GRHL2: variants seen among roughly 807,000 people sequenced by gnomAD.
GRHL2 encodes the protein grainyhead like transcription factor 2, also known as grainyhead-like protein 2 homolog.
Under a neutral mutation model 83.8 loss-of-function variants are expected in GRHL2, and 21 were observed. The observed-to-expected ratio is 0.25, with a 90% CI of 0.18 to 0.36. The LOEUF is 0.36. Ranked by LOEUF, GRHL2 falls within the 10% of genes least tolerant of loss-of-function variation. The pLI, the probability that GRHL2 is intolerant of heterozygous loss-of-function variation, is 1.00. For synonymous variants in GRHL2, 280 were observed against 278.9 expected, an observed-to-expected ratio of 1.00 and a Z score of -0.04; for missense variants, 623 against 781.8, an observed-to-expected ratio of 0.80 and a Z score of 2.42.
intron 1 of GRHL2, among the ~76,000 whole-genome samples, chr8:101,531,814 G>A (rs1276032543): frequency 2.6e-5 from 4 of 152,010 alleles, no homozygotes; most frequent in South Asian, 2.1e-4. Flanking sequence ...GCTCCCGAGA[G>A]GGGGTGGGGG....
chr8:101,593,983 C>A (rs1245006172), intron 7 of GRHL2, among the ~76,000 whole-genome samples: 2 of 138,842 alleles, frequency 1.4e-5, no homozygotes, highest in African/African-American at 5.3e-5. Flanking sequence ...GCAGAGGAAT[C>A]GCTTGAACTC....
In GRHL2 at chr8:101,568,561, A is replaced by T. The variant is rs530017256; in HGVS notation, c.679-1778A>T. 2.6e-5 allele frequency among the ~76,000 whole-genome samples: 4 copies of T among 152,178 alleles called. No individual in the cohort carries two copies. In the East Asian group the frequency reaches 7.7e-4, roughly 29 times the overall value. Reference sequence around the variant, plus strand: ...AATGAATGATTCAACATAGACTTTCATATATAGCCATTTTCTGTATTTTAG... The same window carrying T: ...AATGAATGATTCAACATAGACTTTCTTATATAGCCATTTTCTGTATTTTAG... On this transcript the variant is annotated intron_variant, in intron 4 of 15. Coordinates refer to ENST00000646743, the MANE Select transcript of GRHL2 (RefSeq NM_024915.4).
Position 101,649,452 on chromosome 8 carries a change from G to A in GRHL2, c.1651G>A (p.Asp551Asn), listed in dbSNP as rs148513345. Residue 551 changes from aspartate to asparagine, a missense_variant, in exon 14 of 16, where the codon GAT becomes AAT. Coordinates refer to ENST00000646743, the MANE Select transcript of GRHL2 (RefSeq NM_024915.4). Reference protein sequence around the residue: ...YVRKETDDVFDALMLKSPTVK... With the variant: ...YVRKETDDVFNALMLKSPTVK... The stretch of plus-strand genomic sequence containing the variant: ...GAGGAAGGAGACTGACGATGTGTTC[G>A]ATGCATTGATGTTGAAGTCTCCCAC... 1.8e-5 allele frequency: 29 copies of A among 1,613,904 alleles called. No homozygotes were observed. Among genetic ancestry groups the A allele is most frequent in the Admixed American group, 3.3e-5 (2 of 59,992 alleles).
rs959511740 is a variant in GRHL2 at position 101,587,263 on chromosome 8, A to G, written c.1003+9744A>G. On this transcript the variant is annotated intron_variant, in intron 7 of 15. Transcript: ENST00000646743. ...TCCTACTCCTGGAAATGTTAAAGCCATGAGCAGTTAACCAGAAGGAATGTT... is the reference window on the plus strand; with the variant it reads ...TCCTACTCCTGGAAATGTTAAAGCCGTGAGCAGTTAACCAGAAGGAATGTT... Among the ~76,000 whole-genome samples the G allele has an allele frequency of 8.5e-5, 13 of 152,338 alleles. No individual in the cohort carries two copies. In the East Asian group the frequency reaches 2.5e-3, roughly 29 times the overall value.
chr8:101,627,382 A>G (rs1813100859), intron 9 of GRHL2, among the ~76,000 whole-genome samples: 1 of 152,008 alleles, frequency 6.6e-6, no homozygotes. Flanking sequence ...TGGTGTTACT[A>G]TTGTAATTGT....
chr8:101,615,056 A>C (rs1812826514), intron 8 of GRHL2, among the ~76,000 whole-genome samples: 1 of 152,222 alleles, frequency 6.6e-6, no homozygotes, highest in South Asian at 2.1e-4. Flanking sequence ...AGAGCCCATT[A>C]GAGCTTCTAC....
At chr8:101,587,764 A>G (rs1282704469) in intron 7 of GRHL2, among the ~76,000 whole-genome samples, 1 of 152,206 alleles carries the variant, frequency 6.6e-6, no homozygotes, top group Non-Finnish European at 1.5e-5. Flanking sequence ...TAGAGATACA[A>G]TTAGATAGTT....
intron 4 of GRHL2, 139 bp from the exon 5 acceptor site, chr8:101,570,200 C>T (rs1811793671): frequency 1.4e-6 from 1 of 731,398 alleles, no homozygotes; most frequent in South Asian, 1.5e-5. Context: ...ACTACTTTTG[C>T]TGTAGTTGAA....
the GRHL2 span, among the ~76,000 whole-genome samples, chr8:101,680,888 G>A: frequency 2.4e-5 from 3 of 126,192 alleles, no homozygotes; most frequent in African/African-American, 9.7e-5. Flanking sequence ...TGAGAACAAA[G>A]ACACAACATA....
At chr8:101,553,601 C>T (rs548087115) in intron 3 of GRHL2, among the ~76,000 whole-genome samples, 1 of 148,606 alleles carries the variant, frequency 6.7e-6, no homozygotes, top group East Asian at 2.0e-4. Context: ...TGCTCAGCTA[C>T]TTCTTTCAAA....
Position 101,666,790 on chromosome 8 carries a change from C to T in GRHL2, c.*87C>T. 1.3e-6 allele frequency: 1 copy of T among 782,686 alleles called. No individual in the cohort carries two copies. Among genetic ancestry groups the T allele is most frequent in the Non-Finnish European group, 2.3e-6 (1 of 438,950 alleles). 48.5% of individuals were successfully genotyped at this position (782,686 alleles called of 1,614,324 possible). On this transcript the variant is annotated 3_prime_UTR_variant, in exon 16 of 16. Coordinates refer to ENST00000646743, the MANE Select transcript of GRHL2 (RefSeq NM_024915.4). ...AAGCCCCAGCCCCAGAACCTGGAGACCCATCTCCCCCATCTCACAACTGCT... is the reference window on the plus strand; with the variant it reads ...AAGCCCCAGCCCCAGAACCTGGAGATCCATCTCCCCCATCTCACAACTGCT...
Position 101,599,160 on chromosome 8 carries a change from C to T in GRHL2, c.1098+9C>T, listed in dbSNP as rs189993760. ...TGAATGAAGAGGCGAAGGTGAGTGA[C>T]ATTGATTCATTGTTTATACCTCTTA... On this transcript the variant is annotated intron_variant, in intron 8 of 15. Coordinates refer to ENST00000646743, the MANE Select transcript of GRHL2 (RefSeq NM_024915.4). 8,093 of 1,549,974 alleles carry T rather than the reference C, an allele frequency of 5.2e-3. 26 individuals are homozygous for T. Among genetic ancestry groups the T allele is most frequent in the Non-Finnish European group, 6.7e-3 (7,521 of 1,121,510 alleles).
chr8:101,665,847 C>G (rs1239171774), intron 15 of GRHL2, among the ~76,000 whole-genome samples: 1 of 152,188 alleles, frequency 6.6e-6, no homozygotes, highest in African/African-American at 2.4e-5. Context: ...ATCTGTCTGA[C>G]TTCAAATCAT....
intron 1 of GRHL2, among the ~76,000 whole-genome samples, chr8:101,509,105 CTCTCCT>C (rs1563555925): frequency 2.3e-5 from 3 of 131,880 alleles, no homozygotes; most frequent in African/African-American, 3.1e-5. Context: ...TTCTTTCTTT[CTCTCCT>C]TCCTTCCTTC....
At chr8:101,557,750 T>C (rs1371920279) in intron 3 of GRHL2, among the ~76,000 whole-genome samples, 2 of 152,234 alleles carry the variant, frequency 1.3e-5, no homozygotes, top group African/African-American at 2.4e-5. Flanking sequence ...CAGTAGGATG[T>C]GCTGCATTCT....
intron 14 of GRHL2, among the ~76,000 whole-genome samples, chr8:101,662,266 C>T (rs141513364): frequency 2.6e-4 from 40 of 152,270 alleles, no homozygotes; most frequent in Middle Eastern, 3.4e-3. Flanking sequence ...TCGTTTGGCT[C>T]AGGTGTGACT....
At chr8:101,555,700 T>C (rs1811476543) in intron 3 of GRHL2, among the ~76,000 whole-genome samples, 1 of 152,238 alleles carries the variant, frequency 6.6e-6, no homozygotes, top group Non-Finnish European at 1.5e-5. Flanking sequence ...GGCTAGAAAG[T>C]GTGCAGACTT....
chr8:101,588,308 T>C (rs1812209238), intron 7 of GRHL2, among the ~76,000 whole-genome samples: 1 of 152,158 alleles, frequency 6.6e-6, no homozygotes, highest in Non-Finnish European at 1.5e-5. Flanking sequence ...GCAACAGCAG[T>C]TTCCCTCCCT....
intron 8 of GRHL2, among the ~76,000 whole-genome samples, chr8:101,615,181 A>C (rs1017302460): frequency 1.3e-4 from 20 of 151,970 alleles, no homozygotes; most frequent in Non-Finnish European, 2.2e-4. Flanking sequence ...GGTTTTTATA[A>C]CTCCTCCAGG....
Sources: gnomAD v4.1 joint callset for allele counts (sites outside exome capture counted in the v4.1 genomes callset) on GRCh38, gnomAD v4.1.1 for gene constraint, MANE v1.5 for transcripts, NCBI Gene and HGNC (gene_info 2026-07-23, HGNC 2026-07-21) for gene names.